CREB5: variants seen among roughly 807,000 people sequenced by gnomAD.
CREB5 encodes the protein cAMP responsive element binding protein 5, also known as cyclic AMP-responsive element-binding protein 5.
In CREB5, 19 loss-of-function variants were observed where a neutral mutation model predicts 57.1. That is an observed-to-expected ratio of 0.33 (90% confidence interval 0.23 to 0.49). The LOEUF is 0.49. Among genes scored for constraint, CREB5 ranks in the 20% least tolerant of loss-of-function variants. CREB5 has a pLI of 0.99. For synonymous variants in CREB5, 238 were observed against 238.3 expected, an observed-to-expected ratio of 1.00 and a Z score of 0.01; for missense variants, 579 against 671.6, an observed-to-expected ratio of 0.86 and a Z score of 1.52.
intron 1 of CREB5, among the ~76,000 whole-genome samples, chr7:28,329,624 C>A (rs1423574304): frequency 1.3e-5 from 2 of 152,166 alleles, no homozygotes; most frequent in Non-Finnish European, 1.5e-5. Flanking sequence ...GATTTTAGAG[C>A]CAGCATTTCT....
At chr7:28,478,560 G>A (rs1002507257) in intron 1 of CREB5, among the ~76,000 whole-genome samples, 1 of 152,092 alleles carries the variant, frequency 6.6e-6, no homozygotes, top group Non-Finnish European at 1.5e-5. Flanking sequence ...AGAAGCTTGT[G>A]ATGTTTTCTA....
intron 7 of CREB5, among the ~76,000 whole-genome samples, chr7:28,751,243 TC>T (rs1804960556): frequency 6.6e-6 from 1 of 152,076 alleles, no homozygotes; most frequent in Non-Finnish European, 1.5e-5. Flanking sequence ...TTCCTTCTTC[TC>T]TACACATCTT....
At chr7:28,646,958 G>T (rs1798913481) in intron 5 of CREB5, among the ~76,000 whole-genome samples, 1 of 151,986 alleles carries the variant, frequency 6.6e-6, no homozygotes, top group African/African-American at 2.4e-5. Flanking sequence ...TGTAAAAGAT[G>T]TTTATAGAAT....
At chr7:28,589,226 A>T (rs1583672103) in intron 5 of CREB5, among the ~76,000 whole-genome samples, 2 of 152,164 alleles carry the variant, frequency 1.3e-5, no homozygotes, top group South Asian at 4.1e-4. Context: ...CAGTAACTTT[A>T]CTCCTAACCA....
intron 1 of CREB5, among the ~76,000 whole-genome samples, chr7:28,306,546 GTT>G (rs796910262): frequency 0.034 from 3,200 of 93,372 alleles, 641 homozygotes; most frequent in South Asian, 0.053. Flanking sequence ...ATACAGTTTT[GTT>G]TTTTTTGTTT....
intron 7 of CREB5, among the ~76,000 whole-genome samples, chr7:28,760,345 G>A (rs1805574622): frequency 6.6e-6 from 1 of 152,174 alleles, no homozygotes; most frequent in Non-Finnish European, 1.5e-5. Flanking sequence ...TTATTCTACA[G>A]TTCTGATGCA....
In CREB5 at chr7:28,639,057, C is replaced by A. The variant is rs192852700; in HGVS notation, c.464+68520C>A. On this transcript the variant is annotated intron_variant, in intron 5 of 10. Transcript: ENST00000357727. ...GAGCTGGGAACATGTAGTGTGCATA[C>A]CTGGCCCAGTTGTTCCACGCCACAC... is the stretch of plus-strand genomic sequence containing the variant. Among the ~76,000 whole-genome samples, 284 of 152,262 alleles carry A rather than the reference C, an allele frequency of 1.9e-3. 1 individual carries two copies. Among genetic ancestry groups the A allele is most frequent in the Middle Eastern group, 6.8e-3 (2 of 294 alleles).
chr7:28,734,206 C>CAAAAAAAAAAAAAAAAAAAA (rs61403862), intron 7 of CREB5, among the ~76,000 whole-genome samples: 1 of 96,442 alleles, frequency 1.0e-5, no homozygotes, highest in Non-Finnish European at 1.9e-5. Context: ...TTCAGTAGTT[C>CAAAAAAAAAAAAAAAAAAAA]AAAAAAAAAA....
chr7:28,514,081 T>C (rs932247558), intron 4 of CREB5, among the ~76,000 whole-genome samples: 21 of 152,206 alleles, frequency 1.4e-4, no homozygotes, highest in African/African-American at 4.8e-4. Context: ...GTGACAGATA[T>C]TTGTTCATCA....
chr7:28,406,923 TAA>T (rs11332678), intron 1 of CREB5, among the ~76,000 whole-genome samples: 8,662 of 149,658 alleles, frequency 0.058, 757 homozygotes, highest in African/African-American at 0.19. Context: ...GTTAAGTTTG[TAA>T]AAAAAAAAAA....
At chr7:28,708,393 A>G (rs559322037) in intron 5 of CREB5, among the ~76,000 whole-genome samples, 2 of 152,224 alleles carry the variant, frequency 1.3e-5, no homozygotes, top group East Asian at 3.9e-4. Flanking sequence ...CTGCCTTTTA[A>G]AGAGCTGAAA....
At chr7:28,542,797 C>T (rs1467787780) in intron 4 of CREB5, among the ~76,000 whole-genome samples, 1 of 152,110 alleles carries the variant, frequency 6.6e-6, no homozygotes, top group Non-Finnish European at 1.5e-5. Flanking sequence ...ACCATAACAC[C>T]AAGATGGAAT....
upstream of CREB5, chr7:28,410,068 G>A (rs1787708847): frequency 9.8e-6 from 4 of 407,530 alleles, no homozygotes; most frequent in Non-Finnish European, 2.0e-5. Context: ...TAGGGGGCGG[G>A]TGGGCGCGCG....
intron 1 of CREB5, among the ~76,000 whole-genome samples, chr7:28,445,674 C>T (rs1387764426): frequency 1.3e-5 from 2 of 152,098 alleles, no homozygotes; most frequent in Admixed American, 6.5e-5. Flanking sequence ...GCCTCAGCCT[C>T]CCGAGTAGCT....
At chr7:28,763,605 T>C (rs752870806) in intron 7 of CREB5, among the ~76,000 whole-genome samples, 7 of 152,156 alleles carry the variant, frequency 4.6e-5, no homozygotes, top group African/African-American at 7.2e-5. Context: ...TGCCACTTTA[T>C]AGCACAGACC....
intron 5 of CREB5, among the ~76,000 whole-genome samples, chr7:28,604,287 A>T (rs1217052303): frequency 6.6e-6 from 1 of 152,174 alleles, no homozygotes; most frequent in Admixed American, 6.5e-5. Context: ...TTCATATTGG[A>T]TATAGATATC....
chr7:28,744,568 G>A (rs578112892), intron 7 of CREB5, among the ~76,000 whole-genome samples: 7 of 151,876 alleles, frequency 4.6e-5, no homozygotes, highest in Admixed American at 1.3e-4. Flanking sequence ...GGGTGGTCTC[G>A]ATCTCTTGAC....
intron 7 of CREB5, among the ~76,000 whole-genome samples, chr7:28,748,855 G>A (rs1804825846): frequency 6.6e-6 from 1 of 152,126 alleles, no homozygotes; most frequent in East Asian, 1.9e-4. Context: ...ATGCAAGAGG[G>A]GAGGAAAATC....
At chr7:28,754,516 A>C (rs1805178040) in intron 7 of CREB5, among the ~76,000 whole-genome samples, 1 of 152,162 alleles carries the variant, frequency 6.6e-6, no homozygotes, top group Non-Finnish European at 1.5e-5. Flanking sequence ...TCGCTGCTGT[A>C]GTTATGGGGA....
Sources: allele counts gnomAD v4.1 joint callset (sites outside exome capture counted in the v4.1 genomes callset), GRCh38; gene constraint gnomAD v4.1.1; transcripts MANE v1.5; gene names NCBI Gene and HGNC (gene_info 2026-07-23, HGNC 2026-07-21).